Variants in PRRC1 observed in about 807,000 individuals in gnomAD.
The protein encoded by PRRC1 is proline rich coiled-coil 1.
A neutral mutation model predicts 40.7 loss-of-function variants in PRRC1; 39 were observed. That is an observed-to-expected ratio of 0.96 (90% CI 0.74 to 1.25). The LOEUF (loss-of-function observed/expected upper bound fraction) is 1.25. Ranked by LOEUF, PRRC1 falls within the 50% of genes most tolerant of loss-of-function variation. The probability of loss-of-function intolerance (pLI) is 0.00; values close to 1 mark genes in which losing one functional copy is unlikely to be tolerated. For missense variants in PRRC1, 573 were observed against 548.3 expected, an observed-to-expected ratio of 1.05 and a Z score of -0.45; for synonymous variants, 175 against 193.3, an observed-to-expected ratio of 0.91 and a Z score of 0.79.
intron 8 of PRRC1, chr5:127,548,514 A>C (rs570173976): frequency 6.6e-6 from 1 of 151,492 alleles, no homozygotes; most frequent in African/African-American, 2.4e-5. Flanking sequence ...ATGGAATATA[A>C]ATATATACTT....
intron 8 of PRRC1, chr5:127,550,718 G>T (rs891590263): frequency 2.6e-4 from 40 of 152,142 alleles, no homozygotes; most frequent in African/African-American, 9.7e-4. Context: ...AGTGTTACTG[G>T]TGTCTCTGAG....
At chr5:127,534,506 A>G (rs1315951346) in intron 6 of PRRC1, among the ~76,000 whole-genome samples, 3 of 152,194 alleles carry the variant, frequency 2.0e-5, no homozygotes, top group Non-Finnish European at 2.9e-5. Context: ...TATTGGACTT[A>G]CCAGAGGCTT....
intron 4 of PRRC1, among the ~76,000 whole-genome samples, 153 bp from the exon 5 acceptor site, chr5:127,530,141 T>C (rs1260835472): frequency 6.6e-6 from 1 of 152,220 alleles, no homozygotes; most frequent in African/African-American, 2.4e-5. Context: ...AGAAACTTAA[T>C]AGCAATTTGA....
intron 8 of PRRC1, 48 bp downstream of exon 8, chr5:127,547,969 C>T (rs1330338639): frequency 8.6e-7 from 1 of 1,157,520 alleles, no homozygotes. Flanking sequence ...GAAACTTACA[C>T]TATTGTTTTC....
chr5:127,550,070 C>A, intron 8 of PRRC1: 1 of 150,290 alleles, frequency 6.7e-6, no homozygotes, highest in South Asian at 2.1e-4. Flanking sequence ...TACTAGCAGG[C>A]GTGTGTATGT....
At chr5:127,523,313 T>C (rs1363880910) in intron 1 of PRRC1, 147 bp from the exon 2 acceptor site, 1 of 471,370 alleles carries the variant, frequency 2.1e-6, no homozygotes, top group Non-Finnish European at 3.7e-6. Context: ...TTGGACAAAC[T>C]CTTCGTCTGG....
intron 4 of PRRC1, among the ~76,000 whole-genome samples, chr5:127,528,431 C>T (rs1767682592): frequency 6.6e-6 from 1 of 152,132 alleles, no homozygotes; most frequent in African/African-American, 2.4e-5. Context: ...TCTCCTACCT[C>T]AGCCTCCCAA....
chr5:127,517,770 TC>T lies in PRRC1; in HGVS notation c.-23del. ...AGCGACCACGCAGGCACTTTCCCGG[TC>T]CCCAGGTGAGCGCCAGGTGGCTCCG... On this transcript the variant is annotated 5_prime_UTR_variant, in exon 1 of 9. Coordinates refer to ENST00000296666, the MANE Select transcript of PRRC1 (RefSeq NM_130809.5). 6.6e-6 allele frequency: 1 copy of T among 152,650 alleles called. No homozygotes were observed. The highest frequency in any genetic ancestry group is 1.5e-5 in the Non-Finnish European group (1 of 68,360). 9.5% of individuals were successfully genotyped at this position (152,650 alleles called of 1,614,324 possible).
intron 4 of PRRC1, among the ~76,000 whole-genome samples, chr5:127,527,548 T>G (rs1245777270): frequency 6.6e-6 from 1 of 151,236 alleles, no homozygotes; most frequent in African/African-American, 2.4e-5. Context: ...AGTCGAGGAG[T>G]TCTGTATGAG....
chr5:127,524,989 C>A, intron 3 of PRRC1, 69 bp downstream of exon 3: 3 of 1,389,162 alleles, frequency 2.2e-6, no homozygotes, highest in Non-Finnish European at 2.9e-6. Flanking sequence ...AAAATAATAG[C>A]TTTGTTGAGA....
chr5:127,544,194 C>T (rs1417914490), intron 7 of PRRC1, among the ~76,000 whole-genome samples: 2 of 152,194 alleles, frequency 1.3e-5, no homozygotes, highest in Non-Finnish European at 1.5e-5. Context: ...CGCGGATTTT[C>T]GTGAACCGCG....
At chr5:127,520,115 C>T (rs1239671909) in intron 1 of PRRC1, among the ~76,000 whole-genome samples, 1 of 152,216 alleles carries the variant, frequency 6.6e-6, no homozygotes. Flanking sequence ...CCACTTAATT[C>T]TTGTGTGTAG....
intron 7 of PRRC1, among the ~76,000 whole-genome samples, chr5:127,543,439 G>C (rs924751885): frequency 4.1e-4 from 63 of 152,086 alleles, no homozygotes; most frequent in Non-Finnish European, 7.9e-4. Flanking sequence ...GATTGGGGAA[G>C]TTCTCCTGGA....
chr5:127,524,500 C>A (rs746493049), intron 2 of PRRC1, 31 bp from the exon 3 acceptor site: 1 of 1,549,176 alleles, frequency 6.5e-7, no homozygotes, highest in South Asian at 1.2e-5. Flanking sequence ...ATTTCTAATT[C>A]TGTGCTTTTA....
intron 3 of PRRC1, among the ~76,000 whole-genome samples, chr5:127,526,394 T>TGTCCATTTTCAGG (rs1393006564): frequency 6.6e-6 from 1 of 152,230 alleles, no homozygotes; most frequent in Non-Finnish European, 1.5e-5. Context: ...ATACGCTTTT[T>TGTCCATTTTCAGG]GTCCATTTTC....
At chr5:127,524,239 A>G (rs1408923262) in intron 2 of PRRC1, 1 of 274,726 alleles carries the variant, frequency 3.6e-6, no homozygotes. Flanking sequence ...TTTATGCTCA[A>G]ACTAGGGATG....
At chr5:127,548,590 T>G (rs960077547) in intron 8 of PRRC1, 2 of 152,066 alleles carry the variant, frequency 1.3e-5, no homozygotes, top group African/African-American at 4.8e-5. Flanking sequence ...TCATAAAATT[T>G]TTGTTACAGT....
intron 5 of PRRC1, among the ~76,000 whole-genome samples, chr5:127,533,251 T>C (rs1274882466): frequency 6.6e-6 from 1 of 152,180 alleles, no homozygotes; most frequent in Non-Finnish European, 1.5e-5. Flanking sequence ...TGGTAGTGCT[T>C]GTTTAGTACA....
At chr5:127,551,527 G>T in intron 8 of PRRC1, 180 bp from the exon 9 acceptor site, 1 of 636,198 alleles carries the variant, frequency 1.6e-6, no homozygotes, top group Non-Finnish European at 2.7e-6. Flanking sequence ...TGTGTGTAAT[G>T]TTACATTGAT....
Sources: gnomAD v4.1 joint callset for allele counts (sites outside exome capture counted in the v4.1 genomes callset) on GRCh38, gnomAD v4.1.1 for gene constraint, MANE v1.5 for transcripts, NCBI Gene and HGNC (gene_info 2026-07-23, HGNC 2026-07-21) for gene names.